KRT4: variants seen among roughly 807,000 people sequenced by gnomAD.
KRT4 encodes keratin, type II cytoskeletal 4.
Under a neutral mutation model 50.6 loss-of-function variants are expected in KRT4, and 47 were observed. That is an observed-to-expected ratio of 0.93 (90% CI 0.73 to 1.18). KRT4 has a LOEUF of 1.18. KRT4 is among the 50% of genes most tolerant of loss of function. KRT4 has a pLI of 0.00. For missense variants in KRT4, 651 were observed against 645.7 expected, an observed-to-expected ratio of 1.01 and a Z score of -0.09; for synonymous variants, 254 against 251.2, an observed-to-expected ratio of 1.01 and a Z score of -0.10.
In KRT4 at chr12:52,808,425, A is replaced by C. The variant is rs746967725; in HGVS notation, c.1000-6T>G. 6.2e-7 allele frequency: 1 copy of C among 1,613,536 alleles called. No individual in the cohort carries two copies. Among genetic ancestry groups the C allele is most frequent in the Non-Finnish European group, 8.5e-7 (1 of 1,180,024 alleles). ...GAGATCTGGAGCTGCTGGACCTAAG[A>C]CTCAAGAAGACACAGAGAACCAGGT... On this transcript the variant is annotated splice_region_variant and splice_polypyrimidine_tract_variant and intron_variant, in intron 5 of 8. Coordinates refer to ENST00000551956, the MANE Select transcript of KRT4 (RefSeq NM_002272.4).
intron 2 of KRT4, 162 bp from the exon 3 acceptor site, chr12:52,810,978 A>C (rs1939901570): frequency 1.5e-6 from 1 of 649,024 alleles, no homozygotes; most frequent in African/African-American, 1.8e-5. Flanking sequence ...ACCTATATTC[A>C]TTGAATATAG....
chr12:52,808,941 T>C, intron 4 of KRT4, 91 bp from the exon 5 acceptor site: 1 of 1,380,724 alleles, frequency 7.2e-7, no homozygotes, highest in Non-Finnish European at 1.0e-6. Flanking sequence ...GCATTCACAA[T>C]GTGTAGGAAG....
In KRT4 at chr12:52,806,838, T is replaced by C; in HGVS notation, c.*231A>G. The C allele has an allele frequency of 1.7e-6, 1 of 599,380 alleles. No individual in the cohort carries two copies. The highest frequency in any genetic ancestry group is 3.0e-6 in the Non-Finnish European group (1 of 332,636). The allele number at this position is 599,380 out of a possible 1,614,324, so 37.1% of individuals were successfully genotyped here. A position where few individuals can be genotyped will look rare whatever the true frequency, so the allele number is the denominator to read the frequency against. ...AGAGGTCAGCTGACATCCTTCCCAT[T>C]CCAGGTGGGTCACCAGGCCCAAATC... On this transcript the variant is annotated 3_prime_UTR_variant, in exon 9 of 9. Transcript: ENST00000551956.
Position 52,814,022 on chromosome 12 carries a change from G to A in KRT4, c.37C>T (p.Arg13Trp), listed in dbSNP as rs758581374. Residue 13 changes from arginine (R) to tryptophan (W), a missense_variant, in exon 1 of 9, where the codon CGG becomes TGG. By Grantham distance (101) the Arg-to-Trp change is moderately radical (BLOSUM62 -3). Transcript: ENST00000551956. The part of the protein sequence containing the change: ...ARQQCVRGGP[R>W]GFSCGSAIVG... ...ATGGCCGAGCCACAGCTGAAGCCCCGGGGCCCGCCTCGGACACACTGCTGT... is the reference window on the plus strand; with the variant it reads ...ATGGCCGAGCCACAGCTGAAGCCCCAGGGCCCGCCTCGGACACACTGCTGT... 1.2e-5 allele frequency: 19 copies of A among 1,613,812 alleles called. No homozygotes were observed. Among genetic ancestry groups the A allele is most frequent in the South Asian group, 2.2e-5 (2 of 91,084 alleles).
rs766556177 is a variant in KRT4, at chr12:52,811,941, T to C, written c.499A>G (p.Thr167Ala). The change falls in exon 2 of 9, where the codon ACC (threonine) becomes GCC (alanine). Residue 167 changes from threonine (T) to alanine (A), a missense_variant. Physicochemically the swap from Thr to Ala is moderately conservative, Grantham distance 58 (BLOSUM62 0). Transcript: ENST00000551956. ...TGCTGCTGGAGCAGGTTCCATTTGG[T>C]CTCCAGGACCTTATTCTGTTGCTCT... Reference protein sequence around the residue: ...FLEQQNKVLETKWNLLQQQTT... With the variant: ...FLEQQNKVLEAKWNLLQQQTT... 1.5e-5 allele frequency: 25 copies of C among 1,613,892 alleles called. No individual in the cohort carries two copies. In the African/African-American group the frequency reaches 2.8e-4, roughly 18 times the overall value.
Position 52,807,248 on chromosome 12 carries a change from C to G in KRT4, c.1384G>C (p.Val462Leu), listed in dbSNP as rs1268417492. Residue 462 changes from valine (V) to leucine (L), a missense_variant and splice_region_variant, in exon 9 of 9, where the codon GTG becomes CTG. Val to Leu is a conservative substitution (Grantham distance 32, BLOSUM62 1). Coordinates refer to ENST00000551956, the MANE Select transcript of KRT4 (RefSeq NM_002272.4). ...GECQSAVSIS[V>L]VSGSTSTGGI... ...CCAGTGCTGGTGCTACCGCTGACCA[C>G]AGCTGCAGAAAAGACACAAAAGACA... 2 of 1,614,204 alleles carry G rather than the reference C, an allele frequency of 1.2e-6. No homozygotes were observed. Among genetic ancestry groups the G allele is most frequent in the Non-Finnish European group, 1.7e-6 (2 of 1,180,038 alleles).
rs762065650 is a variant in KRT4 at position 52,807,342 on chromosome 12, G to A, written c.1381+17C>T. The A allele has an allele frequency of 1.9e-6, 3 of 1,614,054 alleles. No homozygotes were observed. The highest frequency in any genetic ancestry group is 2.7e-5 in the African/African-American group (2 of 74,918). Reference sequence around the variant, plus strand: ...CCGGGTGAATGAACAACTACAGCAGGCGTGGAAGGTACTTACAGATGCTCA... The same window carrying A: ...CCGGGTGAATGAACAACTACAGCAGACGTGGAAGGTACTTACAGATGCTCA... On this transcript the variant is annotated intron_variant, in intron 8 of 8. Coordinates refer to ENST00000551956, the MANE Select transcript of KRT4 (RefSeq NM_002272.4).
intron 1 of KRT4, among the ~76,000 whole-genome samples, 158 bp from the exon 2 acceptor site, chr12:52,812,135 G>A (rs910978248): frequency 6.6e-5 from 10 of 152,062 alleles, no homozygotes; most frequent in Admixed American, 1.3e-4. Flanking sequence ...CCATTCACTC[G>A]GGTTGACATG....
chr12:52,813,647 G>A lies in KRT4; in HGVS notation c.412C>T (p.Arg138Cys), dbSNP rs770858924. 31 of 1,614,020 alleles carry A rather than the reference G, an allele frequency of 1.9e-5. No homozygotes were observed. Among genetic ancestry groups the A allele is most frequent in the South Asian group, 3.3e-5 (3 of 91,082 alleles). The change falls in exon 1 of 9, where the codon CGC becomes TGC. Residue 138 changes from arginine (R) to cysteine (C), a missense_variant. Arg to Cys is a radical substitution (Grantham distance 180). Coordinates refer to ENST00000551956, the MANE Select transcript of KRT4 (RefSeq NM_002272.4). The stretch of plus-strand genomic sequence containing the variant: ...TTGTTGAGGAGCTTGATCTGTTCGC[G>A]CTCTTCCGTCCGGACTTTCTGGATC... ...PEIQKVRTEE[R>C]EQIKLLNNKF...
intron 2 of KRT4, 50 bp downstream of exon 2, chr12:52,811,713 G>T: frequency 6.7e-7 from 1 of 1,484,122 alleles, no homozygotes; most frequent in Non-Finnish European, 9.4e-7. Context: ...GAGCCTGGGT[G>T]TGGCTGGGCA....
Sources: allele counts gnomAD v4.1 joint callset (sites outside exome capture counted in the v4.1 genomes callset), GRCh38; gene constraint gnomAD v4.1.1; transcripts MANE v1.5; gene names NCBI Gene and HGNC (gene_info 2026-07-23, HGNC 2026-07-21).